The following GJA5 variants were observed in gnomAD, a reference collection of about 807,000 sequenced individuals.
GJA5 encodes the protein gap junction alpha-5 protein.
A neutral mutation model predicts 7.9 loss-of-function variants in GJA5; 3 were observed. The ratio of observed to expected loss-of-function variants is 0.38; its 90% CI spans 0.17 to 0.99. The LOEUF is 0.99. GJA5 is among the 50% of genes least tolerant of loss of function. The probability of loss-of-function intolerance (pLI) is 0.38; values close to 1 mark genes in which losing one functional copy is unlikely to be tolerated. For synonymous variants in GJA5, 193 were observed against 181.0 expected (o/e 1.07, Z -0.53); for missense variants, 390 against 457.9 (o/e 0.85, Z 1.35).
intron 1 of GJA5, among the ~76,000 whole-genome samples, chr1:147,772,789 G>A (rs201899877): frequency 2.2e-3 from 277 of 125,852 alleles, no homozygotes; most frequent in Non-Finnish European, 2.5e-3. Flanking sequence ...GCCTTAGGGA[G>A]AAAAAAAAAA....
intron 1 of GJA5, among the ~76,000 whole-genome samples, chr1:147,772,803 A>AAAC (rs1334391572): frequency 6.6e-6 from 1 of 151,722 alleles, no homozygotes; most frequent in Non-Finnish European, 1.5e-5. Flanking sequence ...AAAAAAAAAA[A>AAAC]AAGCAAAACA....
rs1383040702 is a variant in GJA5 at position 147,756,264 on chromosome 1, C to T, written c.*1898G>A. Reference sequence around the variant, plus strand: ...TTACTATATTTTTCCTTTCTAAAACCCTCACCATCAAAGATTGATCCCACA... The same window carrying T: ...TTACTATATTTTTCCTTTCTAAAACTCTCACCATCAAAGATTGATCCCACA... On this transcript the variant is annotated 3_prime_UTR_variant, in exon 2 of 2. Transcript: ENST00000579774. The T allele has an allele frequency of 6.6e-6, 1 of 152,124 alleles. No individual in the cohort carries two copies. Among genetic ancestry groups the T allele is most frequent in the Admixed American group, 6.5e-5 (1 of 15,268 alleles). The allele number at this position is 152,124 out of a possible 1,614,324, so 9.4% of individuals were successfully genotyped here. A position where few individuals can be genotyped will look rare whatever the true frequency, so the allele number is the denominator to read the frequency against.
chr1:147,769,009 A>G (rs987749918), intron 1 of GJA5, among the ~76,000 whole-genome samples: 2 of 152,202 alleles, frequency 1.3e-5, no homozygotes, highest in African/African-American at 4.8e-5. Context: ...TATTTTTCCC[A>G]CTTTACCTTG....
chr1:147,758,377 C>T lies in GJA5; in HGVS notation c.862G>A (p.Ala288Thr). 6.2e-7 allele frequency: 1 copy of T among 1,614,100 alleles called. No individual in the cohort carries two copies. Among genetic ancestry groups the T allele is most frequent in the Admixed American group, 1.7e-5 (1 of 60,014 alleles). Residue 288 changes from alanine to threonine, a missense_variant, in exon 2 of 2, where the codon GCC (alanine) becomes ACC (threonine). This residue lies in a region of GJA5 where 354 missense variants were observed against 370.9 expected (regional missense o/e 0.95). Coordinates refer to ENST00000579774, the MANE Select transcript of GJA5 (RefSeq NM_181703.4). ...AGGTTGTCTGTGTTTTGTTGGGAGG[C>T]CATATTATTGCTGAAGGGATTGAAG... The part of the protein sequence containing the change: ...KFFNPFSNNM[A>T]SQQNTDNLVT...
At chr1:147,768,887 C>T (rs1244048105) in intron 1 of GJA5, among the ~76,000 whole-genome samples, 2 of 152,252 alleles carry the variant, frequency 1.3e-5, no homozygotes, top group East Asian at 3.8e-4. Context: ...CTAAAGCCCA[C>T]ATCCTCTCTA....
chr1:147,769,322 A>G (rs791292), intron 1 of GJA5, among the ~76,000 whole-genome samples: 2,866 of 152,338 alleles, frequency 0.019, 62 homozygotes, highest in African/African-American at 0.062. Context: ...CAGAAACAGC[A>G]ATTATTAGGC....
intron 1 of GJA5, among the ~76,000 whole-genome samples, chr1:147,771,379 C>T (rs947973443): frequency 2.0e-5 from 3 of 152,132 alleles, no homozygotes; most frequent in Non-Finnish European, 4.4e-5. Context: ...TATGAGTGAG[C>T]AGGGCAGGGT....
chr1:147,758,864 GT>G lies in GJA5; in HGVS notation c.374del (p.Tyr125SerfsTer34). The G allele has an allele frequency of 6.2e-7, 1 of 1,614,190 alleles. No individual in the cohort carries two copies. Among genetic ancestry groups the G allele is most frequent in the Non-Finnish European group, 8.5e-7 (1 of 1,180,026 alleles). On this transcript the variant is annotated frameshift_variant, in exon 2 of 2. Coordinates refer to ENST00000579774, the MANE Select transcript of GJA5 (RefSeq NM_181703.4). LOFTEE classifies it low-confidence loss of function (END_TRUNC). ...KEVRGSGSYE[Y>X]PVAEKAELSC... ...ACAGTTCTGCCTTCTCTGCCACCGG[GT>G]ACTCGTAAGAGCCAGAGCCCCGGAC...
intron 1 of GJA5, among the ~76,000 whole-genome samples, chr1:147,768,109 AT>A (rs1664273889): frequency 6.6e-6 from 1 of 152,212 alleles, no homozygotes; most frequent in South Asian, 2.1e-4. Context: ...GAGGGCCAGC[AT>A]CCCTGAACCT....
In GJA5 at chr1:147,759,143, G is replaced by C; in HGVS notation, c.96C>G (p.Phe32Leu). 6.2e-7 allele frequency: 1 copy of C among 1,613,624 alleles called. No homozygotes were observed. The highest frequency in any genetic ancestry group is 1.1e-5 in the South Asian group (1 of 91,048). ...GKVWLTVLFI[F>L]RMLVLGTAAE... ...CAGCTGTGCCCAGCACGAGCATACG[G>C]AATATGAAGAGGACAGTGAGCCAGA... Residue 32 changes from phenylalanine to leucine, a missense_variant, in exon 2 of 2, where the codon TTC (phenylalanine) becomes TTG (leucine). Around this residue, in one of 2 missense-constraint regions of GJA5, gnomAD observed 36 missense variants for 87.1 expected, o/e 0.41. Coordinates refer to ENST00000579774, the MANE Select transcript of GJA5 (RefSeq NM_181703.4).
chr1:147,772,259 C>T (rs1571083410), intron 1 of GJA5, among the ~76,000 whole-genome samples: 1 of 152,132 alleles, frequency 6.6e-6, no homozygotes. Flanking sequence ...CAAGGAATCC[C>T]TCTATTATAA....
intron 1 of GJA5, among the ~76,000 whole-genome samples, chr1:147,766,370 A>C (rs1406050808): frequency 2.6e-5 from 4 of 151,942 alleles, no homozygotes; most frequent in African/African-American, 9.7e-5. Context: ...CAAATTGATC[A>C]AGGCAATTAT....
At chr1:147,768,029 AG>A (rs1312687802) in intron 1 of GJA5, among the ~76,000 whole-genome samples, 1 of 152,180 alleles carries the variant, frequency 6.6e-6, no homozygotes, top group Non-Finnish European at 1.5e-5. Flanking sequence ...AGAAATGATC[AG>A]GCATGTGATG....
At chr1:147,773,091 A>G (rs1363533784) in intron 1 of GJA5, among the ~76,000 whole-genome samples, 1 of 152,156 alleles carries the variant, frequency 6.6e-6, no homozygotes, top group Non-Finnish European at 1.5e-5. Flanking sequence ...TAATATATCC[A>G]TACCTCACTA....
At position 147,758,792 on chromosome 1, in the gene GJA5, C is replaced by G. The variant is rs782002899; in HGVS notation, c.447G>C (p.Leu149=). ...GGATGCTGCACACATAGGTGTTGAGCAGAGTGCCCTGGAGGGCAATCCTTC... is the reference window on the plus strand; with the variant it reads ...GGATGCTGCACACATAGGTGTTGAGGAGAGTGCCCTGGAGGGCAATCCTTC... The part of the protein sequence containing the change: ...GNGRIALQGT[L]LNTYVCSILI... Residue 149 remains leucine (L), a synonymous_variant, in exon 2 of 2, where the codon CTG becomes CTC. Coordinates refer to ENST00000579774, the MANE Select transcript of GJA5 (RefSeq NM_181703.4). 2 of 1,614,180 alleles carry G rather than the reference C, an allele frequency of 1.2e-6. No individual in the cohort carries two copies. The highest frequency in any genetic ancestry group is 4.5e-5 in the East Asian group (2 of 44,870).
intron 1 of GJA5, among the ~76,000 whole-genome samples, chr1:147,767,389 C>CT (rs869258169): frequency 1.8e-3 from 264 of 143,346 alleles, no homozygotes; most frequent in African/African-American, 2.5e-3. Flanking sequence ...GGGGACTATT[C>CT]TTTTTTTTTT....
chr1:147,769,625 G>T (rs587744722), intron 1 of GJA5, among the ~76,000 whole-genome samples: 1 of 152,102 alleles, frequency 6.6e-6, no homozygotes, highest in African/African-American at 2.4e-5. Flanking sequence ...ATCTGATAGT[G>T]CTTCAGGCTG....
At chr1:147,764,781 G>A (rs1228285935), upstream of GJA5, among the ~76,000 whole-genome samples, 2 of 142,432 alleles carry the variant, frequency 1.4e-5, no homozygotes, top group Non-Finnish European at 3.0e-5. Flanking sequence ...CTGAGATCAC[G>A]TCAGTGCACT....
Position 147,757,919 on chromosome 1 carries a change from A to G in GJA5, c.*243T>C, listed in dbSNP as rs1553226671. ...CTACCCTGTTTCATGAGTAATCTGA[A>G]AGGCTTCGTATACTGGGTAGAGGGT... On this transcript the variant is annotated 3_prime_UTR_variant, in exon 2 of 2. Transcript: ENST00000579774. 1 of 552,946 alleles carries G rather than the reference A, an allele frequency of 1.8e-6. No homozygotes were observed. Among genetic ancestry groups the G allele is most frequent in the African/African-American group, 1.9e-5 (1 of 52,950 alleles). 34.3% of individuals were successfully genotyped at this position (552,946 alleles called of 1,614,324 possible). A position where few individuals can be genotyped will look rare whatever the true frequency, so the allele number is the denominator to read the frequency against.
Sources: gnomAD v4.1 joint callset for allele counts (sites outside exome capture counted in the v4.1 genomes callset) on GRCh38, gnomAD v4.1.1 for gene constraint, gnomAD v4.1.1 regional missense constraint, MANE v1.5 for transcripts, NCBI Gene and HGNC (gene_info 2026-07-23, HGNC 2026-07-21) for gene names.